The following HSPG2 variants were observed in gnomAD, a reference collection of about 807,000 sequenced individuals.
The protein encoded by HSPG2 is heparan sulfate proteoglycan 2.
A neutral mutation model predicts 526.6 loss-of-function variants in HSPG2; 278 were observed. The ratio of observed to expected loss-of-function variants is 0.53; its 90% confidence interval spans 0.48 to 0.58. HSPG2 has a LOEUF of 0.58. HSPG2 is among the 20% of genes least tolerant of loss of function. HSPG2 has a pLI of 0.00. For missense variants in HSPG2, 5,354 were observed against 6,099.5 expected (o/e 0.88, Z 4.07); for synonymous variants, 2,465 against 2,555.4 (o/e 0.96, Z 1.07).
rs1572148833 is a variant in HSPG2, at chr1:21,829,750, C to G, written c.11771-146G>C. ...CCAGTTGGCACCAGCTGCAGTGGCACAGGAGCCCCCCTGCCCTTGCACACG... is the reference window on the plus strand; with the variant it reads ...CCAGTTGGCACCAGCTGCAGTGGCAGAGGAGCCCCCCTGCCCTTGCACACG... On this transcript the variant is annotated intron_variant, in intron 86 of 96. Coordinates refer to ENST00000374695, the MANE Select transcript of HSPG2 (RefSeq NM_005529.7). The G allele has an allele frequency of 7.9e-6, 6 of 755,478 alleles. No individual in the cohort carries two copies. In the East Asian group the frequency reaches 8.1e-5, roughly 10 times the overall value. 46.8% of individuals were successfully genotyped at this position (755,478 alleles called of 1,614,324 possible).
rs900796709 is a variant in HSPG2, at chr1:21,822,638, C to A, written c.*678G>T. On this transcript the variant is annotated 3_prime_UTR_variant, in exon 97 of 97. Coordinates refer to ENST00000374695, the MANE Select transcript of HSPG2 (RefSeq NM_005529.7). ...AGCTCCTGGTAAGAGTTGGGGTGGG[C>A]CTTCCCTTACAGCCCCTGAGGGAGG... The A allele has an allele frequency of 1.5e-5, 3 of 195,294 alleles. No homozygotes were observed. Among genetic ancestry groups the A allele is most frequent in the Non-Finnish European group, 3.2e-5 (3 of 93,992 alleles). The allele number at this position is 195,294 out of a possible 1,614,324, so 12.1% of individuals were successfully genotyped here.
At chr1:21,929,589 T>G (rs987399274) in intron 1 of HSPG2, among the ~76,000 whole-genome samples, 5 of 151,410 alleles carry the variant, frequency 3.3e-5, no homozygotes, top group Admixed American at 6.6e-5. Context: ...CCGGTTTTTT[T>G]TTTTTTTTTT....
intron 51 of HSPG2, 41 bp from the exon 52 acceptor site, chr1:21,852,873 T>A: frequency 6.2e-7 from 1 of 1,611,304 alleles, no homozygotes; most frequent in Non-Finnish European, 8.5e-7. Context: ...GCTGGAACAG[T>A]CCCATCCAGC....
At chr1:21,827,623 T>A (rs1428548130) in intron 91 of HSPG2, among the ~76,000 whole-genome samples, 2 of 152,224 alleles carry the variant, frequency 1.3e-5, no homozygotes, top group Non-Finnish European at 2.9e-5. Context: ...GTTGACTGAA[T>A]ACATGAATAC....
rs181161985 is a variant in HSPG2 at position 21,882,965 on chromosome 1, C to T, written c.1655-1463G>A. 7.9e-4 allele frequency among the ~76,000 whole-genome samples: 120 copies of T among 152,300 alleles called. 1 individual carries two copies. Among genetic ancestry groups the T allele is most frequent in the African/African-American group, 2.8e-3 (117 of 41,552 alleles). On this transcript the variant is annotated intron_variant, in intron 13 of 96. Coordinates refer to ENST00000374695, the MANE Select transcript of HSPG2 (RefSeq NM_005529.7). ...GTTACTCAATCCTCTTTCCTCCCTG[C>T]CTTCCGGGGATGTCTTCAGGCCTCC...
Position 21,887,167 on chromosome 1 carries a change from C to A in HSPG2, c.1078+48G>T. 2 of 1,468,236 alleles carry A rather than the reference C, an allele frequency of 1.4e-6. No homozygotes were observed. Among genetic ancestry groups the A allele is most frequent in the South Asian group, 1.2e-5 (1 of 83,256 alleles). 91.0% of individuals were successfully genotyped at this position (1,468,236 alleles called of 1,614,324 possible). A position where few individuals can be genotyped will look rare whatever the true frequency, so the allele number is the denominator to read the frequency against. On this transcript the variant is annotated intron_variant, in intron 9 of 96. Coordinates refer to ENST00000374695, the MANE Select transcript of HSPG2 (RefSeq NM_005529.7). The surrounding 1 kb of genome is among the most constrained non-coding windows in gnomAD (Gnocchi z 5.0). ...GAGTGGAAGGCGGGGCAGGAGCAAG[C>A]GGCCTGGGCAGGGCAAGGGGGCCTC... is the stretch of plus-strand genomic sequence containing the variant.
chr1:21,874,702 G>A lies in HSPG2; in HGVS notation c.3442C>T (p.Pro1148Ser). The A allele has an allele frequency of 6.2e-7, 1 of 1,608,758 alleles. No individual in the cohort carries two copies. The highest frequency in any genetic ancestry group is 8.5e-7 in the Non-Finnish European group (1 of 1,177,510). ...QDCDTGYTRT[P>S]SGLYLGTCER... is the part of the protein sequence containing the mutation. Reference sequence around the variant, plus strand: ...CAGGTACCCAGGTAGAGGCCACTGGGCGTGCGTGTGTAGCCTGTGTCACAG... The same window carrying A: ...CAGGTACCCAGGTAGAGGCCACTGGACGTGCGTGTGTAGCCTGTGTCACAG... The change falls in exon 27 of 97, where the codon CCC becomes TCC. Residue 1148 changes from proline (P) to serine (S), a missense_variant. Transcript: ENST00000374695.
intron 1 of HSPG2, among the ~76,000 whole-genome samples, chr1:21,913,425 G>A (rs894140992): frequency 6.6e-6 from 1 of 152,200 alleles, no homozygotes; most frequent in African/African-American, 2.4e-5. Flanking sequence ...CGGGTTACCG[G>A]AAATGGTAAA....
At chr1:21,927,045 T>G (rs1487882588) in intron 1 of HSPG2, among the ~76,000 whole-genome samples, 1 of 150,822 alleles carries the variant, frequency 6.6e-6, no homozygotes, top group Non-Finnish European at 1.5e-5. Context: ...AGTGGGGAGG[T>G]GGTGGCAGGG....
chr1:21,843,187 C>T (rs2098056664), intron 66 of HSPG2, 110 bp downstream of exon 66: 1 of 1,506,638 alleles, frequency 6.6e-7, no homozygotes, highest in African/African-American at 1.4e-5. Context: ...GGTAGGAAAC[C>T]CCGCCTGCAG....
chr1:21,831,160 C>G, intron 84 of HSPG2, 55 bp downstream of exon 84: 1 of 1,603,626 alleles, frequency 6.2e-7, no homozygotes, highest in Non-Finnish European at 8.5e-7. Flanking sequence ...AGGGGCCAGC[C>G]ATGGCTAGGG....
rs1640142784 is a variant in HSPG2, at chr1:21,865,345, C to T, written c.4335G>A (p.Val1445=). ...VQITGNNIML[V]ASQPALQGPE... is the part of the protein sequence containing the mutation. ...GGCCCTGCAGCGCTGGCTGGGAGGC[C>T]ACTAGCATGATGTTGTTGCCCTGGA... is the stretch of plus-strand genomic sequence containing the variant. Residue 1445 remains valine (V), a synonymous_variant, in exon 35 of 97, where the codon GTG becomes GTA. Coordinates refer to ENST00000374695, the MANE Select transcript of HSPG2 (RefSeq NM_005529.7). This position sits in a 1 kb window ranked among gnomAD's most constrained non-coding sequence, Gnocchi z 5.4. 1.9e-6 allele frequency: 3 copies of T among 1,614,044 alleles called. No individual in the cohort carries two copies. Among genetic ancestry groups the T allele is most frequent in the African/African-American group, 1.3e-5 (1 of 75,010 alleles).
In HSPG2 at chr1:21,824,829, A is replaced by G. The variant is rs774855220; in HGVS notation, c.12590-50T>C. On this transcript the variant is annotated intron_variant, in intron 91 of 96. Coordinates refer to ENST00000374695, the MANE Select transcript of HSPG2 (RefSeq NM_005529.7). The surrounding 1 kb of genome is among the most constrained non-coding windows in gnomAD (Gnocchi z 5.9). ...CATACCTGCTGCATCAGGCATCAAAATCCCCCGTCAGTTCCCCTGACCCCC... is the reference window on the plus strand; with the variant it reads ...CATACCTGCTGCATCAGGCATCAAAGTCCCCCGTCAGTTCCCCTGACCCCC... 4 of 1,523,738 alleles carry G rather than the reference A, an allele frequency of 2.6e-6. No individual in the cohort carries two copies. Among genetic ancestry groups the G allele is most frequent in the Non-Finnish European group, 3.6e-6 (4 of 1,113,736 alleles). The allele number at this position is 1,523,738 out of a possible 1,614,324, so 94.4% of individuals were successfully genotyped here. A position where few individuals can be genotyped will look rare whatever the true frequency, so the allele number is the denominator to read the frequency against.
intron 69 of HSPG2, 102 bp from the exon 70 acceptor site, chr1:21,841,775 C>T (rs771932956): frequency 3.8e-5 from 56 of 1,473,284 alleles, no homozygotes; most frequent in Non-Finnish European, 4.9e-5. Context: ...CCAATCCCTC[C>T]GGCCTGGGTG....
intron 1 of HSPG2, among the ~76,000 whole-genome samples, chr1:21,899,195 A>C (rs1642956137): frequency 6.6e-6 from 1 of 152,164 alleles, no homozygotes; most frequent in African/African-American, 2.4e-5. Flanking sequence ...GCAAGGAATA[A>C]GTCAGCAAGA....
At chr1:21,860,538 C>T (rs573707939) in intron 39 of HSPG2, among the ~76,000 whole-genome samples, 1 of 152,214 alleles carries the variant, frequency 6.6e-6, no homozygotes, top group East Asian at 1.9e-4. Context: ...GTCACCCAGG[C>T]TCGAGTGCAG....
chr1:21,845,954 C>G (rs1638396960), intron 64 of HSPG2, among the ~76,000 whole-genome samples, 154 bp downstream of exon 64: 1 of 152,228 alleles, frequency 6.6e-6, no homozygotes, highest in South Asian at 2.1e-4. Flanking sequence ...CTCCTTGGTC[C>G]TGGGACCGTG....
At chr1:21,830,369 A>T in intron 85 of HSPG2, 1 of 466,866 alleles carries the variant, frequency 2.1e-6, no homozygotes, top group Non-Finnish European at 4.0e-6. Flanking sequence ...GTGGCGGGTA[A>T]TGGGGTGGGC....
rs1037209972 is a variant in HSPG2, at chr1:21,828,070, G to A, written c.12492C>T (p.Cys4164=). 2 of 1,613,310 alleles carry A rather than the reference G, an allele frequency of 1.2e-6. No individual in the cohort carries two copies. The highest frequency in any genetic ancestry group is 1.7e-6 in the Non-Finnish European group (2 of 1,179,954). Residue 4164 remains cysteine (C), a synonymous_variant, in exon 90 of 97, where the codon TGC becomes TGT. Transcript: ENST00000374695. The surrounding 1 kb of genome is among the most constrained non-coding windows in gnomAD (Gnocchi z 6.0). ...LHGGTCQGTR[C]LCLPGFSGPR... is the part of the protein sequence containing the mutation. ...GGCCAGAGAAGCCAGGGAGGCAGAGGCAGCGGGTGCCCTGGCAGGTGCCCC... is the reference window on the plus strand; with the variant it reads ...GGCCAGAGAAGCCAGGGAGGCAGAGACAGCGGGTGCCCTGGCAGGTGCCCC...
Sources: allele counts gnomAD v4.1 joint callset (sites outside exome capture counted in the v4.1 genomes callset), GRCh38; gene constraint gnomAD v4.1.1; non-coding constraint Gnocchi (gnomAD v3.1); transcripts MANE v1.5; gene names NCBI Gene and HGNC (gene_info 2026-07-23, HGNC 2026-07-21).